The following RAPGEF4 variants were observed in gnomAD, a reference collection of about 807,000 sequenced individuals.
RAPGEF4 encodes the protein Rap guanine nucleotide exchange factor 4.
In RAPGEF4, 66 loss-of-function variants were observed where a neutral mutation model predicts 147.9. That is an observed-to-expected ratio of 0.45 (90% confidence interval 0.37 to 0.55). RAPGEF4 has a LOEUF of 0.55. Ranked by LOEUF, RAPGEF4 falls within the 20% of genes least tolerant of loss-of-function variation. The probability of loss-of-function intolerance (pLI) is 0.00; values close to 1 mark genes in which losing one functional copy is unlikely to be tolerated. For synonymous variants in RAPGEF4, 419 were observed against 442.7 expected (o/e 0.95, Z 0.67); for missense variants, 1,071 against 1,257.3 (o/e 0.85, Z 2.24).
intron 1 of RAPGEF4, among the ~76,000 whole-genome samples, chr2:172,766,300 C>A (rs1696832620): frequency 6.6e-6 from 1 of 152,110 alleles, no homozygotes; most frequent in Non-Finnish European, 1.5e-5. Context: ...ACCTGTAATG[C>A]TGGCATTTTG....
chr2:173,035,186 C>T (rs532603670), intron 27 of RAPGEF4, among the ~76,000 whole-genome samples: 1 of 151,898 alleles, frequency 6.6e-6, no homozygotes, highest in Admixed American at 6.6e-5. Context: ...TTCCAAATAG[C>T]CTCCCAAATA....
chr2:173,033,989 C>A, intron 27 of RAPGEF4, 25 bp downstream of exon 27: 1 of 1,595,346 alleles, frequency 6.3e-7, no homozygotes, highest in Non-Finnish European at 8.5e-7. Flanking sequence ...CTTCTTTATT[C>A]TGTTCACTGT....
intron 1 of RAPGEF4, among the ~76,000 whole-genome samples, chr2:172,780,912 C>G (rs1481387838): frequency 6.6e-6 from 1 of 152,122 alleles, no homozygotes; most frequent in East Asian, 1.9e-4. Flanking sequence ...ATATTTACAT[C>G]TATTTACTGT....
At chr2:173,022,663 C>T (rs997829644) in intron 23 of RAPGEF4, among the ~76,000 whole-genome samples, 1 of 152,212 alleles carries the variant, frequency 6.6e-6, no homozygotes, top group African/African-American at 2.4e-5. Context: ...GCCCCAGAGC[C>T]TCTGTCCTTA....
At chr2:172,830,409 T>C (rs1690165065) in intron 4 of RAPGEF4, among the ~76,000 whole-genome samples, 1 of 152,238 alleles carries the variant, frequency 6.6e-6, no homozygotes, top group African/African-American at 2.4e-5. Context: ...GGACATTTTG[T>C]ACCTAGTTCC....
intron 21 of RAPGEF4, among the ~76,000 whole-genome samples, chr2:173,018,255 A>G (rs1695686980): frequency 1.3e-5 from 2 of 152,234 alleles, no homozygotes; most frequent in Admixed American, 1.3e-4. Context: ...CTCATGGCCC[A>G]GGCGGAAGCC....
chr2:172,748,969 T>C (rs1226193443), intron 1 of RAPGEF4, among the ~76,000 whole-genome samples: 1 of 152,222 alleles, frequency 6.6e-6, no homozygotes, highest in Non-Finnish European at 1.5e-5. Flanking sequence ...AAATGATCTC[T>C]GTTGACTCCA....
At chr2:172,756,876 A>T (rs1023012843) in intron 1 of RAPGEF4, among the ~76,000 whole-genome samples, 2 of 152,250 alleles carry the variant, frequency 1.3e-5, no homozygotes, top group Non-Finnish European at 2.9e-5. Flanking sequence ...TCACAGAGTT[A>T]TATATCTGCC....
intron 4 of RAPGEF4, among the ~76,000 whole-genome samples, chr2:172,843,810 G>C (rs1691875333): frequency 6.6e-6 from 1 of 152,156 alleles, no homozygotes; most frequent in Non-Finnish European, 1.5e-5. Flanking sequence ...GTTTACCCAA[G>C]GCGTACGCTA....
intron 4 of RAPGEF4, among the ~76,000 whole-genome samples, chr2:172,900,379 A>T (rs979150008): frequency 6.6e-6 from 1 of 152,148 alleles, no homozygotes; most frequent in Non-Finnish European, 1.5e-5. Context: ...AGCTGGGACT[A>T]CAGGCATGTG....
intron 6 of RAPGEF4, among the ~76,000 whole-genome samples, chr2:172,943,828 C>G (rs543627724): frequency 1.3e-5 from 2 of 152,178 alleles, no homozygotes; most frequent in Admixed American, 6.5e-5. Flanking sequence ...AGAGTTTTCT[C>G]TGTTCTATAT....
At chr2:172,916,631 T>A (rs150297876) in intron 4 of RAPGEF4, among the ~76,000 whole-genome samples, 1 of 152,170 alleles carries the variant, frequency 6.6e-6, no homozygotes, top group Non-Finnish European at 1.5e-5. Flanking sequence ...ATGGTTTTAA[T>A]GTTTGCATGC....
chr2:172,997,590 G>C (rs1469747263), intron 16 of RAPGEF4, among the ~76,000 whole-genome samples: 3 of 151,950 alleles, frequency 2.0e-5, no homozygotes, highest in Non-Finnish European at 4.4e-5. Context: ...ATAAAATTGT[G>C]TTCCACTTTG....
intron 5 of RAPGEF4, among the ~76,000 whole-genome samples, chr2:172,918,395 A>ACT (rs1367166109): frequency 6.6e-6 from 1 of 151,162 alleles, no homozygotes; most frequent in Non-Finnish European, 1.5e-5. Flanking sequence ...ACACACACAC[A>ACT]CACACACACA....
chr2:172,898,115 T>C (rs1698709513), intron 4 of RAPGEF4, among the ~76,000 whole-genome samples: 1 of 152,052 alleles, frequency 6.6e-6, no homozygotes, highest in Admixed American at 6.6e-5. Context: ...AAAAGAGGGA[T>C]GTGGGACCAG....
chr2:172,917,916 G>A (rs939298953), intron 5 of RAPGEF4, 42 bp downstream of exon 5: 30 of 1,542,664 alleles, frequency 1.9e-5, no homozygotes, highest in Non-Finnish European at 2.5e-5. Flanking sequence ...AAAATTTGTC[G>A]TGTGGTATGT....
chr2:172,965,382 T>C, intron 8 of RAPGEF4, 180 bp from the exon 9 acceptor site: 2 of 701,664 alleles, frequency 2.9e-6, no homozygotes, highest in East Asian at 2.5e-5. Context: ...AGTGGCTTTT[T>C]TGGCTTGTAT....
chr2:172,805,503 C>T (rs1382732692), intron 3 of RAPGEF4, among the ~76,000 whole-genome samples: 2 of 152,134 alleles, frequency 1.3e-5, no homozygotes, highest in African/African-American at 4.8e-5. Flanking sequence ...GGCATCTCTC[C>T]CAGCTTCTCA....
At chr2:172,826,368 A>G (rs1012252693) in intron 4 of RAPGEF4, among the ~76,000 whole-genome samples, 1 of 152,238 alleles carries the variant, frequency 6.6e-6, no homozygotes, top group African/African-American at 2.4e-5. Context: ...AGTTTTAATG[A>G]AACAGTTTTT....
Sources: gnomAD v4.1 joint callset for allele counts (sites outside exome capture counted in the v4.1 genomes callset) on GRCh38, gnomAD v4.1.1 for gene constraint, MANE v1.5 for transcripts, NCBI Gene and HGNC (gene_info 2026-07-23, HGNC 2026-07-21) for gene names.